Variants in BORA observed in about 807,000 individuals in gnomAD.
BORA encodes the protein BORA aurora kinase A activator, also known as protein aurora borealis.
In BORA, 26 loss-of-function variants were observed where a neutral mutation model predicts 55.8. That is an observed-to-expected ratio of 0.47 (90% CI 0.34 to 0.65). BORA has a LOEUF of 0.65. Ranked by LOEUF, BORA falls within the 30% of genes least tolerant of loss-of-function variation. The probability of loss-of-function intolerance (pLI) is 0.01; values close to 1 mark genes in which losing one functional copy is unlikely to be tolerated. For missense variants in BORA, 568 were observed against 671.5 expected, an observed-to-expected ratio of 0.85 and a Z score of 1.70; for synonymous variants, 201 against 216.9, an observed-to-expected ratio of 0.93 and a Z score of 0.64.
intron 3 of BORA, among the ~76,000 whole-genome samples, chr13:72,733,044 T>C (rs2032851588): frequency 6.6e-6 from 1 of 152,208 alleles, no homozygotes; most frequent in Admixed American, 6.5e-5. Context: ...TCTTAGTACA[T>C]AGATTTATCA....
rs1450463523 is a variant in BORA at position 72,745,201 on chromosome 13, A to G, written c.732A>G (p.Pro244=). 6.2e-7 allele frequency: 1 copy of G among 1,612,440 alleles called. No homozygotes were observed. The highest frequency in any genetic ancestry group is 1.1e-5 in the South Asian group (1 of 91,042). Residue 244 remains proline, a synonymous_variant, in exon 8 of 12, where the codon CCA becomes CCG. Transcript: ENST00000390667. ...AGTGTAGGAGCCCCTTGCAGACACC[A>G]AGTTCGGTGAGAAGTATACTAAAAA... ...PVKCRSPLQT[P]SSGQFSSSPI... is the part of the protein sequence containing the mutation.
At chr13:72,746,140 G>C (rs2033136073) in intron 9 of BORA, 64 bp downstream of exon 9, 4 of 1,414,188 alleles carry the variant, frequency 2.8e-6, no homozygotes, top group Non-Finnish European at 3.9e-6. Context: ...TATTAGAGAG[G>C]TTCTTTTAAT....
chr13:72,754,601 T>C (rs2033393047), intron 11 of BORA: 1 of 152,324 alleles, frequency 6.6e-6, no homozygotes, highest in Non-Finnish European at 1.5e-5. Flanking sequence ...TTCTGTTGTA[T>C]GTAGTATCAG....
chr13:72,728,220 A>G (rs1373318738), intron 1 of BORA: 10 of 733,778 alleles, frequency 1.4e-5, no homozygotes, highest in Admixed American at 8.0e-5. Flanking sequence ...CTGCATCTCA[A>G]CCTTCCAGAA....
Position 72,743,615 on chromosome 13 carries a change from A to G in BORA, c.454+13A>G. ...GAGAAAAGCGATGGTGAGTATGAAC[A>G]CAATTTGAAAAGAAGGATGTTCCAT... On this transcript the variant is annotated intron_variant, in intron 6 of 11. Coordinates refer to ENST00000390667, the MANE Select transcript of BORA (RefSeq NM_024808.5). 6.3e-7 allele frequency: 1 copy of G among 1,588,418 alleles called. No individual in the cohort carries two copies. The highest frequency in any genetic ancestry group is 8.6e-7 in the Non-Finnish European group (1 of 1,164,380).
intron 10 of BORA, chr13:72,753,319 G>A (rs1468669510): frequency 1.0e-4 from 17 of 164,292 alleles, no homozygotes; most frequent in Admixed American, 1.0e-3. Context: ...AAGGCAGCAT[G>A]CCTCAAGCCA....
At chr13:72,742,103 T>G (rs77488916) in intron 5 of BORA, among the ~76,000 whole-genome samples, 1 of 152,112 alleles carries the variant, frequency 6.6e-6, no homozygotes, top group Non-Finnish European at 1.5e-5. Flanking sequence ...GCATCCAAAA[T>G]TTTCTTTATT....
chr13:72,751,255 A>G lies in BORA; in HGVS notation c.1483-2435A>G, dbSNP rs116491774. 2.4e-3 allele frequency among the ~76,000 whole-genome samples: 366 copies of G among 152,294 alleles called. 2 individuals carry two copies. The highest frequency in any genetic ancestry group is 8.5e-3 in the African/African-American group (355 of 41,560). ...CCAGCAATCCCACTAGTAGGTATAT[A>G]TCCAAAGGAAAGGAAATCAGTATGT... is the stretch of plus-strand genomic sequence containing the variant. On this transcript the variant is annotated intron_variant, in intron 10 of 11. Coordinates refer to ENST00000390667, the MANE Select transcript of BORA (RefSeq NM_024808.5).
chr13:72,730,160 C>G (rs2032782165), intron 2 of BORA, among the ~76,000 whole-genome samples: 1 of 152,052 alleles, frequency 6.6e-6, no homozygotes, highest in African/African-American at 2.4e-5. Context: ...GATCTTTCAA[C>G]CTACCAAGTT....
At chr13:72,731,093 T>C (rs1236546482) in intron 2 of BORA, among the ~76,000 whole-genome samples, 188 bp from the exon 3 acceptor site, 1 of 152,000 alleles carries the variant, frequency 6.6e-6, no homozygotes, top group Non-Finnish European at 1.5e-5. Flanking sequence ...GAGATACAAT[T>C]AAGTCAGTTG....
At chr13:72,750,625 GAAGA>G (rs1199463898) in intron 10 of BORA, among the ~76,000 whole-genome samples, 1 of 152,074 alleles carries the variant, frequency 6.6e-6, no homozygotes, top group Non-Finnish European at 1.5e-5. Flanking sequence ...GCATTTAAAT[GAAGA>G]GAGAGAAGAT....
rs1465204251 is a variant in BORA, at chr13:72,755,213, A to G, written c.1677A>G (p.Pro559=). 1.9e-6 allele frequency: 3 copies of G among 1,611,012 alleles called. No individual in the cohort carries two copies. The African/African-American group carries it at 4.0e-5, about 22-fold the overall frequency. ...KTASPFQCSS[P] The stretch of plus-strand genomic sequence containing the variant: ...CAAGCCCTTTTCAATGCAGCAGTCC[A>G]TAGAATGCCTCTGTCAGAATCAAAG... Residue 559 remains proline, a synonymous_variant, in exon 12 of 12, where the codon CCA becomes CCG. Coordinates refer to ENST00000390667, the MANE Select transcript of BORA (RefSeq NM_024808.5).
At chr13:72,737,617 T>G (rs957035081) in intron 4 of BORA, among the ~76,000 whole-genome samples, 14 of 152,198 alleles carry the variant, frequency 9.2e-5, no homozygotes, top group Non-Finnish European at 1.8e-4. Context: ...CATACTGGCC[T>G]ACTTGCATGT....
rs1019026955 is a variant in BORA at position 72,755,313 on chromosome 13, C to G, written c.*97C>G. ...GATGGTGACTGGGAAAAAATTACTT[C>G]AAGTAACATGCTTAGCTTTCCCTCC... On this transcript the variant is annotated 3_prime_UTR_variant, in exon 12 of 12. Transcript: ENST00000390667. 1.0e-5 allele frequency: 10 copies of G among 1,004,894 alleles called. No individual in the cohort carries two copies. In the African/African-American group the frequency reaches 1.3e-4, roughly 13 times the overall value. 62.2% of individuals were successfully genotyped at this position (1,004,894 alleles called of 1,614,324 possible). A position where few individuals can be genotyped will look rare whatever the true frequency, so the allele number is the denominator to read the frequency against.
chr13:72,746,660 A>G lies in BORA; in HGVS notation c.1031A>G (p.Tyr344Cys). The change falls in exon 10 of 12, where the codon TAT becomes TGT. Residue 344 changes from tyrosine to cysteine, a missense_variant. Tyr to Cys is a radical substitution (Grantham distance 194). Coordinates refer to ENST00000390667, the MANE Select transcript of BORA (RefSeq NM_024808.5). ...RLQMYSGGTQYRTSVIQIPFT... is the reference protein window; with the variant it reads ...RLQMYSGGTQCRTSVIQIPFT... ...CAGATGTATAGTGGTGGTACTCAGT[A>G]TCGGACCTCAGTGATTCAGATACCT... 1 of 1,614,154 alleles carries G rather than the reference A, an allele frequency of 6.2e-7. No individual in the cohort carries two copies. The highest frequency in any genetic ancestry group is 8.5e-7 in the Non-Finnish European group (1 of 1,179,994).
chr13:72,735,526 T>C (rs2032904198), intron 4 of BORA, among the ~76,000 whole-genome samples: 1 of 152,210 alleles, frequency 6.6e-6, no homozygotes, highest in African/African-American at 2.4e-5. Context: ...GTAGGCTTTC[T>C]AAAAAATAAA....
At chr13:72,728,860 A>G in intron 1 of BORA, 66 bp from the exon 2 acceptor site, 1 of 1,366,698 alleles carries the variant, frequency 7.3e-7, no homozygotes, top group East Asian at 2.6e-5. Flanking sequence ...AGTACATTTT[A>G]ATAGTTAAAA....
In BORA at chr13:72,755,249, A is replaced by AGAG. The variant is rs2033425471; in HGVS notation, c.*34_*36dup. On this transcript the variant is annotated 3_prime_UTR_variant, in exon 12 of 12. Transcript: ENST00000390667. ...CTGTCAGAATCAAAGACTAAGCTTA[A>AGAG]GAGTTCCTCGCATATATCGTTGTGC... 1.3e-6 allele frequency: 2 copies of AGAG among 1,559,624 alleles called. No individual in the cohort carries two copies. Among genetic ancestry groups the AGAG allele is most frequent in the Middle Eastern group, 1.7e-4 (1 of 5,956 alleles).
At chr13:72,747,788 C>T (rs1215514299) in intron 10 of BORA, among the ~76,000 whole-genome samples, 2 of 152,164 alleles carry the variant, frequency 1.3e-5, no homozygotes, top group Non-Finnish European at 2.9e-5. Context: ...CCACCTCAGC[C>T]TCCCAAAGTG....
Sources: allele counts gnomAD v4.1 joint callset (sites outside exome capture counted in the v4.1 genomes callset), GRCh38; gene constraint gnomAD v4.1.1; transcripts MANE v1.5; gene names NCBI Gene and HGNC (gene_info 2026-07-23, HGNC 2026-07-21).